Variants in SEL1L2 observed in about 807,000 individuals in gnomAD.
SEL1L2 encodes protein sel-1 homolog 2.
A neutral mutation model predicts 98.8 loss-of-function variants in SEL1L2; 89 were observed. The ratio of observed to expected loss-of-function variants is 0.90; its 90% CI spans 0.76 to 1.07. The LOEUF is 1.07. SEL1L2 is among the 50% of genes least tolerant of loss of function. The pLI, the probability that SEL1L2 is intolerant of heterozygous loss-of-function variation, is 0.00. For synonymous variants in SEL1L2, 262 were observed against 278.5 expected (o/e 0.94, Z 0.59); for missense variants, 788 against 812.0 (o/e 0.97, Z 0.36).
intron 5 of SEL1L2, among the ~76,000 whole-genome samples, chr20:13,898,454 C>G (rs918374727): frequency 6.6e-6 from 1 of 152,286 alleles, no homozygotes; most frequent in South Asian, 2.1e-4. Context: ...CCAGAACTCT[C>G]GTATTTATAA....
At chr20:13,985,095 T>G (rs1049844461) in intron 1 of SEL1L2, among the ~76,000 whole-genome samples, 5 of 152,026 alleles carry the variant, frequency 3.3e-5, no homozygotes, top group South Asian at 2.1e-4. Context: ...CCGTTGGATA[T>G]CCCCTCTCCC....
At chr20:13,926,917 G>A (rs2048932105) in intron 3 of SEL1L2, among the ~76,000 whole-genome samples, 1 of 152,160 alleles carries the variant, frequency 6.6e-6, no homozygotes. Flanking sequence ...TAATTCTAAG[G>A]GGTGCCAGGA....
chr20:13,871,388 T>A (rs1455719378), intron 12 of SEL1L2, among the ~76,000 whole-genome samples: 1 of 152,196 alleles, frequency 6.6e-6, no homozygotes, highest in Non-Finnish European at 1.5e-5. Flanking sequence ...AGCATATCAA[T>A]TTTGGATGAA....
intron 5 of SEL1L2, among the ~76,000 whole-genome samples, chr20:13,908,860 T>C (rs1436913707): frequency 6.6e-6 from 1 of 152,224 alleles, no homozygotes; most frequent in African/African-American, 2.4e-5. Context: ...GAAGTAATTA[T>C]GCCTCCTTTC....
chr20:13,873,521 C>T (rs1018072211), intron 12 of SEL1L2, among the ~76,000 whole-genome samples: 2 of 151,886 alleles, frequency 1.3e-5, no homozygotes, highest in African/African-American at 2.4e-5. Context: ...GCCACCATGC[C>T]CAGCTAATTT....
chr20:13,898,488 T>C (rs942983299), intron 5 of SEL1L2, among the ~76,000 whole-genome samples: 1 of 152,224 alleles, frequency 6.6e-6, no homozygotes, highest in African/African-American at 2.4e-5. Context: ...GTATCTGAGA[T>C]ACCTTCTACT....
chr20:13,930,710 G>A (rs1346021050), intron 3 of SEL1L2, among the ~76,000 whole-genome samples: 1 of 152,026 alleles, frequency 6.6e-6, no homozygotes, highest in Non-Finnish European at 1.5e-5. Context: ...TGGACTCTCA[G>A]AAAAAAACAG....
chr20:13,906,243 A>T (rs1012897220), intron 5 of SEL1L2, among the ~76,000 whole-genome samples: 4 of 152,168 alleles, frequency 2.6e-5, no homozygotes, highest in African/African-American at 9.7e-5. Context: ...AGTAGCTGGG[A>T]TTTAAATTAA....
intron 2 of SEL1L2, among the ~76,000 whole-genome samples, chr20:13,947,450 C>T (rs990548199): frequency 6.6e-6 from 1 of 152,196 alleles, no homozygotes; most frequent in Non-Finnish European, 1.5e-5. Context: ...GAGCTACCCA[C>T]TTTGGGTCTC....
intron 19 of SEL1L2, 160 bp downstream of exon 19, chr20:13,850,031 A>T: frequency 2.8e-6 from 2 of 715,280 alleles, no homozygotes; most frequent in South Asian, 3.8e-5. Flanking sequence ...TCAATAGAAC[A>T]TGCAGAATTA....
In SEL1L2 at chr20:13,907,235, CA is replaced by C. The variant is rs564462259; in HGVS notation, c.549+6546del. On this transcript the variant is annotated intron_variant, in intron 5 of 19. Transcript: ENST00000284951. Reference sequence around the variant, plus strand: ...TCTGATATCAAAGGTAATACATACCCATGAATAAAACATTTAGAGGGAAAAA... The same window carrying C: ...TCTGATATCAAAGGTAATACATACCCTGAATAAAACATTTAGAGGGAAAAA... Among the ~76,000 whole-genome samples the C allele has an allele frequency of 3.9e-5, 6 of 151,990 alleles. 1 individual carries two copies. The South Asian group carries it at 1.3e-3, about 32-fold the overall frequency.
chr20:13,947,692 G>T (rs2050082989), intron 2 of SEL1L2, among the ~76,000 whole-genome samples: 1 of 152,234 alleles, frequency 6.6e-6, no homozygotes, highest in Admixed American at 6.5e-5. Flanking sequence ...GACTCCCTGA[G>T]CCAGGGCTGT....
intron 1 of SEL1L2, among the ~76,000 whole-genome samples, chr20:13,985,351 G>C (rs1387527618): frequency 2.0e-5 from 3 of 152,084 alleles, no homozygotes; most frequent in African/African-American, 7.2e-5. Flanking sequence ...TCATTCCTCT[G>C]TGTCTTTGGT....
chr20:13,948,647 T>A (rs936562499), intron 2 of SEL1L2, among the ~76,000 whole-genome samples: 1 of 152,148 alleles, frequency 6.6e-6, no homozygotes, highest in South Asian at 2.1e-4. Context: ...AACTATAAAA[T>A]ACTTAGAAGA....
chr20:13,974,869 A>G (rs1348502947), intron 1 of SEL1L2, among the ~76,000 whole-genome samples: 2 of 151,932 alleles, frequency 1.3e-5, no homozygotes, highest in Non-Finnish European at 2.9e-5. Flanking sequence ...AATTCCACCG[A>G]TTATTTTGTC....
intron 17 of SEL1L2, among the ~76,000 whole-genome samples, chr20:13,860,421 A>T (rs1989920721): frequency 6.6e-6 from 1 of 152,096 alleles, no homozygotes; most frequent in Non-Finnish European, 1.5e-5. Context: ...CATGCAGCCA[A>T]ATCCATTGCC....
At chr20:13,865,142 G>C in intron 17 of SEL1L2, 25 bp downstream of exon 17, 2 of 1,586,116 alleles carry the variant, frequency 1.3e-6, no homozygotes, top group South Asian at 1.1e-5. Flanking sequence ...CCGGGTATGT[G>C]CTTATTTTTA....
chr20:13,949,256 G>T (rs2148411587), intron 2 of SEL1L2, among the ~76,000 whole-genome samples: 1 of 152,296 alleles, frequency 6.6e-6, no homozygotes, highest in East Asian at 1.9e-4. Context: ...AAGAGGATAT[G>T]CAAATGGACA....
intron 7 of SEL1L2, 44 bp from the exon 8 acceptor site, chr20:13,887,894 G>A: frequency 6.2e-7 from 1 of 1,604,012 alleles, no homozygotes; most frequent in Non-Finnish European, 8.5e-7. Flanking sequence ...AGACAATGCT[G>A]TATTTATGGC....
Sources: allele counts gnomAD v4.1 joint callset (sites outside exome capture counted in the v4.1 genomes callset), GRCh38; gene constraint gnomAD v4.1.1; transcripts MANE v1.5; gene names NCBI Gene and HGNC (gene_info 2026-07-23, HGNC 2026-07-21).